FARS2: variants seen among roughly 807,000 people sequenced by gnomAD.
FARS2 encodes the protein phenylalanyl-tRNA synthetase 2, mitochondrial, also known as phenylalanine--tRNA ligase, mitochondrial.
In FARS2, 40 loss-of-function variants were observed where a neutral mutation model predicts 46.4. That is an observed-to-expected ratio of 0.86 (90% CI 0.67 to 1.12). FARS2 has a LOEUF of 1.12. Among genes scored for constraint, FARS2 ranks in the 50% most tolerant of loss-of-function variants. FARS2 has a pLI of 0.00. For missense variants in FARS2, 513 were observed against 567.9 expected, an observed-to-expected ratio of 0.90 and a Z score of 0.98; for synonymous variants, 234 against 214.9, an observed-to-expected ratio of 1.09 and a Z score of -0.78.
intron 5 of FARS2, among the ~76,000 whole-genome samples, chr6:5,592,509 A>G (rs527804242): frequency 7.2e-5 from 11 of 152,318 alleles, no homozygotes; most frequent in African/African-American, 2.4e-4. Flanking sequence ...AATATTTTAA[A>G]TCCCTTGAAA....
chr6:5,411,917 G>A (rs137992374), intron 3 of FARS2, among the ~76,000 whole-genome samples: 3,166 of 152,262 alleles, frequency 0.021, 57 homozygotes, highest in South Asian at 0.067. Context: ...TAACCAAGGT[G>A]GGGATTTAGG....
intron 3 of FARS2, among the ~76,000 whole-genome samples, chr6:5,410,302 C>T (rs146793875): frequency 1.3e-4 from 19 of 151,574 alleles, no homozygotes; most frequent in Admixed American, 1.1e-3. Context: ...TACAGGCGTG[C>T]GCCACCACAC....
chr6:5,298,862 CAAAAA>C (rs771852149), intron 1 of FARS2, among the ~76,000 whole-genome samples: 5 of 74,738 alleles, frequency 6.7e-5, no homozygotes, highest in South Asian at 9.6e-4. Context: ...AACTCCATCT[CAAAAA>C]AAAAAAAAAA....
chr6:5,511,472 G>T (rs1367570468), intron 4 of FARS2, among the ~76,000 whole-genome samples: 1 of 152,070 alleles, frequency 6.6e-6, no homozygotes, highest in Non-Finnish European at 1.5e-5. Context: ...ATCACAAATG[G>T]GCAAGTTTCC....
chr6:5,354,765 G>A lies in FARS2; in HGVS notation c.-21-13785G>A, dbSNP rs928514501. On this transcript the variant is annotated intron_variant, in intron 1 of 6. Transcript: ENST00000274680. ...CCTGACCTCGTGATCCACCTGCCTCGGCCTCCCAAAGTGCTGGGATTACAG... is the reference window on the plus strand; with the variant it reads ...CCTGACCTCGTGATCCACCTGCCTCAGCCTCCCAAAGTGCTGGGATTACAG... 3.3e-5 allele frequency among the ~76,000 whole-genome samples: 5 copies of A among 151,940 alleles called. No individual in the cohort carries two copies. In the East Asian group the frequency reaches 9.7e-4, roughly 29 times the overall value.
At chr6:5,270,163 A>C (rs1054383824) in intron 1 of FARS2, among the ~76,000 whole-genome samples, 6 of 152,230 alleles carry the variant, frequency 3.9e-5, no homozygotes, top group Admixed American at 1.3e-4. Flanking sequence ...AAAATGAAGC[A>C]GTCATGAAAT....
At chr6:5,635,384 CT>C (rs747768967) in intron 6 of FARS2, among the ~76,000 whole-genome samples, 1 of 152,032 alleles carries the variant, frequency 6.6e-6, no homozygotes, top group Non-Finnish European at 1.5e-5. Context: ...AATAAAATTA[CT>C]TTCTTAAGGT....
At chr6:5,470,787 T>C (rs1368992348) in intron 4 of FARS2, among the ~76,000 whole-genome samples, 1 of 152,126 alleles carries the variant, frequency 6.6e-6, no homozygotes, top group Non-Finnish European at 1.5e-5. Flanking sequence ...AATAGACAAA[T>C]CAATGAGATC....
chr6:5,523,068 A>C (rs1171500594), intron 4 of FARS2, among the ~76,000 whole-genome samples: 4 of 152,230 alleles, frequency 2.6e-5, no homozygotes, highest in Non-Finnish European at 4.4e-5. Context: ...ACTCAGCGGA[A>C]GTAAACTTCT....
At chr6:5,309,811 T>G (rs901926232) in intron 1 of FARS2, among the ~76,000 whole-genome samples, 1 of 152,028 alleles carries the variant, frequency 6.6e-6, no homozygotes, top group African/African-American at 2.4e-5. Context: ...GGCAACAGAG[T>G]TTTGTTGCTC....
chr6:5,423,814 A>G (rs1381713066), intron 3 of FARS2, among the ~76,000 whole-genome samples: 1 of 152,174 alleles, frequency 6.6e-6, no homozygotes, highest in African/African-American at 2.4e-5. Context: ...TTAAAGAGTC[A>G]CAGTGGTGGC....
intron 6 of FARS2, among the ~76,000 whole-genome samples, chr6:5,663,705 C>T (rs1030948156): frequency 1.3e-5 from 2 of 152,188 alleles, no homozygotes; most frequent in Admixed American, 6.5e-5. Context: ...TCGTCCCAGT[C>T]CAGCTATTTA....
intron 6 of FARS2, among the ~76,000 whole-genome samples, chr6:5,648,079 G>C (rs1332201315): frequency 6.6e-6 from 1 of 152,222 alleles, no homozygotes; most frequent in Non-Finnish European, 1.5e-5. Context: ...CTCAATGACA[G>C]TTAAGTTTCT....
At chr6:5,589,526 C>T (rs1773800038) in intron 5 of FARS2, among the ~76,000 whole-genome samples, 1 of 152,206 alleles carries the variant, frequency 6.6e-6, no homozygotes, top group South Asian at 2.1e-4. Context: ...TTCGCTTTGG[C>T]AGTACCATGT....
chr6:5,564,256 T>C (rs529374732), intron 5 of FARS2, among the ~76,000 whole-genome samples: 6 of 152,192 alleles, frequency 3.9e-5, no homozygotes, highest in Non-Finnish European at 7.3e-5. Flanking sequence ...TGCTAAGATA[T>C]AGAATTCTCC....
In FARS2 at chr6:5,544,159, A is replaced by G. The variant is rs1446170420; in HGVS notation, c.905-1021A>G. Among the ~76,000 whole-genome samples, 3 of 152,040 alleles carry G rather than the reference A, an allele frequency of 2.0e-5. No individual in the cohort carries two copies. In the East Asian group the frequency reaches 5.8e-4, roughly 29 times the overall value. ...CTCCCTGGCTGCTGGTGCCTCTCTGAGCTCCTTTAGGACTTCTCAAGGGCC... is the reference window on the plus strand; with the variant it reads ...CTCCCTGGCTGCTGGTGCCTCTCTGGGCTCCTTTAGGACTTCTCAAGGGCC... On this transcript the variant is annotated intron_variant, in intron 4 of 6. Transcript: ENST00000274680.
chr6:5,455,377 C>T (rs770168993), intron 4 of FARS2, among the ~76,000 whole-genome samples: 8 of 152,076 alleles, frequency 5.3e-5, no homozygotes, highest in African/African-American at 1.2e-4. Context: ...GCAGCAGGGA[C>T]GGCCAGATTG....
At chr6:5,381,899 G>T (rs1229371404) in intron 2 of FARS2, among the ~76,000 whole-genome samples, 1 of 152,186 alleles carries the variant, frequency 6.6e-6, no homozygotes, top group African/African-American at 2.4e-5. Flanking sequence ...GTCTCTCTCC[G>T]AGGGCTGGGA....
chr6:5,325,959 C>T (rs1186006943), intron 1 of FARS2, among the ~76,000 whole-genome samples: 1 of 152,140 alleles, frequency 6.6e-6, no homozygotes, highest in Non-Finnish European at 1.5e-5. Flanking sequence ...GAAAATCTCA[C>T]AATATACCAT....
Sources: gnomAD v4.1 joint callset for allele counts (sites outside exome capture counted in the v4.1 genomes callset) on GRCh38, gnomAD v4.1.1 for gene constraint, MANE v1.5 for transcripts, NCBI Gene and HGNC (gene_info 2026-07-23, HGNC 2026-07-21) for gene names.